Variants in SLC22A25 observed in about 807,000 individuals in gnomAD.
SLC22A25 encodes solute carrier family 22 member 25.
In SLC22A25, 44 loss-of-function variants were observed where a neutral mutation model predicts 45.9. The ratio of observed to expected loss-of-function variants is 0.96; its 90% CI spans 0.75 to 1.23. SLC22A25 has a LOEUF of 1.23. SLC22A25 is among the 50% of genes most tolerant of loss of function. SLC22A25 has a pLI of 0.00. For missense variants in SLC22A25, 800 were observed against 666.4 expected, an observed-to-expected ratio of 1.20 and a Z score of -2.21; for synonymous variants, 283 against 238.6, an observed-to-expected ratio of 1.19 and a Z score of -1.72.
intron 7 of SLC22A25, among the ~76,000 whole-genome samples, chr11:63,209,552 C>T (rs999323238): frequency 9.2e-5 from 14 of 152,166 alleles, no homozygotes; most frequent in East Asian, 3.9e-4. Flanking sequence ...ATGGACAGGG[C>T]GAGGCAGCTG....
intron 3 of SLC22A25, among the ~76,000 whole-genome samples, chr11:63,233,421 G>T (rs564496135): frequency 1.3e-5 from 2 of 152,130 alleles, no homozygotes; most frequent in African/African-American, 2.4e-5. Flanking sequence ...GTTTATTTGC[G>T]TAGAGGTGTT....
chr11:63,201,817 A>AACC lies in SLC22A25; in HGVS notation c.830+15496_830+15497insGGT, dbSNP rs1554977881. ...GAAGTTAGACAAAATTTCAATAAAA[A>AACC]AACCCCATTAAAAGTGGGCAAAGAG... On this transcript the variant is annotated intron_variant, in intron 7 of 11. Coordinates refer to ENST00000306494, the MANE Select transcript of SLC22A25 (RefSeq NM_199352.6). 2.3e-3 allele frequency among the ~76,000 whole-genome samples: 356 copies of AACC among 152,156 alleles called. 1 individual carries two copies. Among genetic ancestry groups the AACC allele is most frequent in the Admixed American group, 4.9e-3 (75 of 15,280 alleles).
intron 7 of SLC22A25, among the ~76,000 whole-genome samples, chr11:63,203,609 A>T (rs1590859013): frequency 6.6e-6 from 1 of 152,200 alleles, no homozygotes; most frequent in East Asian, 1.9e-4. Flanking sequence ...GATTAGAGAA[A>T]AAAGAATGAA....
At chr11:63,240,095 T>C (rs1287895001) in intron 1 of SLC22A25, among the ~76,000 whole-genome samples, 1 of 152,218 alleles carries the variant, frequency 6.6e-6, no homozygotes, top group Non-Finnish European at 1.5e-5. Flanking sequence ...TGCAAACCTG[T>C]ACAGTATGTT....
intron 7 of SLC22A25, among the ~76,000 whole-genome samples, chr11:63,187,611 C>T (rs2088612647): frequency 6.6e-6 from 1 of 152,174 alleles, no homozygotes; most frequent in Non-Finnish European, 1.5e-5. Context: ...GAGGGCATCC[C>T]TGTCTTGTGC....
chr11:63,224,042 T>A (rs1440343725), intron 5 of SLC22A25, among the ~76,000 whole-genome samples: 2 of 152,116 alleles, frequency 1.3e-5, no homozygotes, highest in Admixed American at 1.3e-4. Context: ...CTGTTCAATA[T>A]TGAAAGTGGG....
intron 5 of SLC22A25, among the ~76,000 whole-genome samples, chr11:63,227,682 T>C (rs1397655076): frequency 1.3e-5 from 2 of 152,202 alleles, no homozygotes; most frequent in African/African-American, 2.4e-5. Flanking sequence ...GTGCTCCCCA[T>C]GTCCACTGGC....
At chr11:63,201,895 C>A (rs1055726463) in intron 7 of SLC22A25, among the ~76,000 whole-genome samples, 1 of 152,118 alleles carries the variant, frequency 6.6e-6, no homozygotes, top group Non-Finnish European at 1.5e-5. Flanking sequence ...CAGCCCCCAG[C>A]GAGATCAATG....
In SLC22A25 at chr11:63,230,911, T is replaced by G. The variant is rs550399912; in HGVS notation, c.-444-815A>C. Among the ~76,000 whole-genome samples the G allele has an allele frequency of 2.6e-4, 39 of 152,332 alleles. 1 individual carries two copies. In the South Asian group the frequency reaches 7.5e-3, roughly 29 times the overall value. Reference sequence around the variant, plus strand: ...TGAGAACATGCGGTGTTTGGTTTTTTGTCCTTGAGATAGTTGGTTGAGAAG... The same window carrying G: ...TGAGAACATGCGGTGTTTGGTTTTTGGTCCTTGAGATAGTTGGTTGAGAAG... On this transcript the variant is annotated intron_variant, in intron 3 of 11. Transcript: ENST00000306494.
intron 7 of SLC22A25, among the ~76,000 whole-genome samples, chr11:63,190,820 C>A (rs1001361343): frequency 2.0e-5 from 3 of 152,084 alleles, no homozygotes; most frequent in African/African-American, 7.2e-5. Context: ...TACTCCAGAC[C>A]CTGTTTGTCT....
intron 5 of SLC22A25, chr11:63,219,903 T>C: frequency 7.8e-7 from 1 of 1,287,246 alleles, no homozygotes; most frequent in Non-Finnish European, 1.0e-6. Context: ...ACTTTTACTG[T>C]CATACATTCA....
chr11:63,188,906 A>G (rs1302216386), intron 7 of SLC22A25, among the ~76,000 whole-genome samples: 1 of 152,152 alleles, frequency 6.6e-6, no homozygotes, highest in African/African-American at 2.4e-5. Context: ...CTGTGGTCTG[A>G]GAGACAGTTT....
intron 9 of SLC22A25, among the ~76,000 whole-genome samples, chr11:63,168,305 A>T (rs1001106973): frequency 4.6e-5 from 7 of 152,192 alleles, no homozygotes; most frequent in African/African-American, 1.7e-4. Flanking sequence ...ATTAAACTGG[A>T]TGGAGAATGA....
intron 5 of SLC22A25, among the ~76,000 whole-genome samples, chr11:63,220,520 T>C (rs922665957): frequency 4.6e-5 from 7 of 152,090 alleles, no homozygotes; most frequent in African/African-American, 1.7e-4. Context: ...ACTTATGGAG[T>C]ATATGAGAGA....
rs201523068 is a variant in SLC22A25, at chr11:63,190,117, C to T, written c.831-6300G>A. ...GCCTTGCTAGATTGGGGAAGTTCTC[C>T]TGGATAATATCCTGCAGAGTGTTTT... On this transcript the variant is annotated intron_variant, in intron 7 of 11. Transcript: ENST00000306494. 2.8e-4 allele frequency among the ~76,000 whole-genome samples: 42 copies of T among 152,330 alleles called. No individual in the cohort carries two copies. In the East Asian group the frequency reaches 8.1e-3, roughly 29 times the overall value.
At chr11:63,167,207 G>A (rs1008648268) in intron 9 of SLC22A25, 1 of 152,270 alleles carries the variant, frequency 6.6e-6, no homozygotes, top group Non-Finnish European at 1.5e-5. Flanking sequence ...ATGCTACCAG[G>A]GCCCTGGGTT....
intron 5 of SLC22A25, among the ~76,000 whole-genome samples, chr11:63,226,465 GT>G (rs937710590): frequency 1.3e-5 from 2 of 151,908 alleles, no homozygotes. Flanking sequence ...AGAGACTCTT[GT>G]TTTTTTTCTT....
chr11:63,217,238 G>A, intron 7 of SLC22A25, 76 bp downstream of exon 7: 2 of 1,510,048 alleles, frequency 1.3e-6, no homozygotes, highest in Admixed American at 3.9e-5. Context: ...AGGATCAAAT[G>A]GAATTCATGT....
At chr11:63,177,634 A>G (rs1008118223) in intron 9 of SLC22A25, among the ~76,000 whole-genome samples, 1 of 151,656 alleles carries the variant, frequency 6.6e-6, no homozygotes, top group Non-Finnish European at 1.5e-5. Flanking sequence ...TAGCTCTCAC[A>G]TATGAGTGAG....
Sources: allele counts gnomAD v4.1 joint callset (sites outside exome capture counted in the v4.1 genomes callset), GRCh38; gene constraint gnomAD v4.1.1; transcripts MANE v1.5; gene names NCBI Gene and HGNC (gene_info 2026-07-23, HGNC 2026-07-21).